The following HTR2C variants were observed in gnomAD, a reference collection of about 807,000 sequenced individuals.
HTR2C encodes the protein 5-hydroxytryptamine (serotonin) receptor 2C, G protein-coupled.
A neutral mutation model predicts 21.0 loss-of-function variants in HTR2C; 5 were observed. The observed-to-expected ratio is 0.24, with a 90% CI of 0.12 to 0.50. The LOEUF (loss-of-function observed/expected upper bound fraction) is 0.50. HTR2C is among the 20% of genes least tolerant of loss of function. The pLI is 0.98. For synonymous variants in HTR2C, 150 were observed against 145.3 expected, an observed-to-expected ratio of 1.03 and a Z score of -0.23; for missense variants, 271 against 371.2, an observed-to-expected ratio of 0.73 and a Z score of 2.22.
chrX:114,625,536 A>C (rs375220424), intron 2 of HTR2C, among the ~76,000 whole-genome samples: 91 of 107,701 alleles, frequency 8.4e-4, no homozygotes, highest in African/African-American at 3.0e-3. Context: ...TTCACCTTCC[A>C]CCATGAGTGG....
At position 114,584,416 on chromosome X, in the gene HTR2C, A is replaced by G. The variant is rs1927297552; in HGVS notation, c.-390A>G. 8.9e-6 allele frequency: 1 copy of G among 112,894 alleles called. No homozygotes were observed. Among genetic ancestry groups the G allele is most frequent in the African/African-American group, 3.2e-5 (1 of 31,016 alleles). 9.3% of individuals were successfully genotyped at this position (112,894 alleles called of 1,213,427 possible). A position where few individuals can be genotyped will look rare whatever the true frequency, so the allele number is the denominator to read the frequency against. On this transcript the variant is annotated 5_prime_UTR_variant, in exon 1 of 6. Transcript: ENST00000276198. ...AGCTAGAGTAAGATAGCGGAGCGAA[A>G]AGAGCCAAACCTAGCCGGGGGGCGC...
At chrX:114,793,886 TAAATA>T (rs1233174264) in intron 4 of HTR2C, among the ~76,000 whole-genome samples, 10 of 109,502 alleles carry the variant, frequency 9.1e-5, no homozygotes, top group African/African-American at 3.3e-4. Flanking sequence ...AGAGAGACAA[TAAATA>T]AAATAAAGGA....
chrX:114,622,002 C>T (rs1556401827), intron 2 of HTR2C, among the ~76,000 whole-genome samples: 1 of 111,730 alleles, frequency 9.0e-6, no homozygotes, highest in Non-Finnish European at 1.9e-5. Context: ...AAAAACTGCA[C>T]TTGAAAGGCC....
intron 2 of HTR2C, among the ~76,000 whole-genome samples, chrX:114,640,283 A>G (rs1461912962): frequency 6.3e-5 from 7 of 111,921 alleles, no homozygotes; most frequent in African/African-American, 2.3e-4. Flanking sequence ...ATCTCTACTT[A>G]AATGTATTTT....
chrX:114,643,305 A>G (rs187529907), intron 2 of HTR2C, among the ~76,000 whole-genome samples: 182 of 110,747 alleles, frequency 1.6e-3, no homozygotes, highest in African/African-American at 5.7e-3. Flanking sequence ...CATGAAATCT[A>G]GGTTATTGAT....
intron 1 of HTR2C, among the ~76,000 whole-genome samples, chrX:114,607,859 G>A (rs373526193): frequency 6.4e-4 from 71 of 110,411 alleles, no homozygotes; most frequent in African/African-American, 1.6e-3. Context: ...ATGGTGGTGC[G>A]TGCCTGTAAT....
chrX:114,769,149 C>G (rs1218230525), intron 4 of HTR2C, among the ~76,000 whole-genome samples: 1 of 111,427 alleles, frequency 9.0e-6, no homozygotes, highest in African/African-American at 3.2e-5. Flanking sequence ...ACCTTACTTT[C>G]TTACCTATTG....
intron 4 of HTR2C, among the ~76,000 whole-genome samples, chrX:114,733,592 T>C (rs1485883153): frequency 2.0e-5 from 2 of 97,736 alleles, no homozygotes; most frequent in Non-Finnish European, 4.0e-5. Context: ...AAGCAAGAGG[T>C]GACTTGAAAA....
At chrX:114,776,436 A>G in intron 4 of HTR2C, 1 of 711,750 alleles carries the variant, frequency 1.4e-6, no homozygotes, top group Non-Finnish European at 2.3e-6. Flanking sequence ...TCTGGATAGA[A>G]GATTTTGGTC....
chrX:114,905,680 T>G (rs925982078), intron 5 of HTR2C, among the ~76,000 whole-genome samples: 6 of 111,812 alleles, frequency 5.4e-5, no homozygotes, highest in African/African-American at 2.0e-4. Context: ...GACAGCAATC[T>G]CTATCTGTTA....
At chrX:114,707,532 A>G (rs1556418495) in intron 2 of HTR2C, among the ~76,000 whole-genome samples, 1 of 111,817 alleles carries the variant, frequency 8.9e-6, no homozygotes, top group African/African-American at 3.2e-5. Context: ...AAGCCTTCCT[A>G]CTTTTTTCTT....
chrX:114,845,858 T>A (rs1421117728), intron 4 of HTR2C, among the ~76,000 whole-genome samples: 1 of 108,516 alleles, frequency 9.2e-6, no homozygotes, highest in East Asian at 2.9e-4. Flanking sequence ...AAAAAAAATT[T>A]AAAAATTAGA....
chrX:114,649,830 G>A (rs1930490227), intron 2 of HTR2C, among the ~76,000 whole-genome samples: 1 of 110,846 alleles, frequency 9.0e-6, no homozygotes, highest in Middle Eastern at 4.6e-3. Context: ...GGCCAGGCTG[G>A]TAACGAACTC....
At chrX:114,693,439 A>G (rs183267173) in intron 2 of HTR2C, among the ~76,000 whole-genome samples, 96 of 112,037 alleles carry the variant, frequency 8.6e-4, no homozygotes, top group African/African-American at 2.7e-3. Context: ...ATAATTGGAT[A>G]TAGACACCTC....
rs1270442469 is a variant in HTR2C at position 114,884,349 on chromosome X, A to G, written c.551-22240A>G. Among the ~76,000 whole-genome samples, 9 of 110,928 alleles carry G rather than the reference A, an allele frequency of 8.1e-5. No homozygotes were observed. In the East Asian group the frequency reaches 2.3e-3, roughly 28 times the overall value. On this transcript the variant is annotated intron_variant, in intron 5 of 5. Transcript: ENST00000276198. ...TATTTTTAATTTTTTAAAAACCTCC[A>G]TACTGTTTCTCATAATGAACCTATG... is the stretch of plus-strand genomic sequence containing the variant.
At chrX:114,730,236 A>G (rs1354561811) in intron 3 of HTR2C, among the ~76,000 whole-genome samples, 1 of 112,041 alleles carries the variant, frequency 8.9e-6, no homozygotes, top group African/African-American at 3.2e-5. Context: ...ATATTAATTT[A>G]GAATGTGCAA....
intron 5 of HTR2C, among the ~76,000 whole-genome samples, chrX:114,867,545 TTG>T (rs2071055245): frequency 9.0e-6 from 1 of 111,460 alleles, no homozygotes; most frequent in South Asian, 3.7e-4. Context: ...CTTTGGTTGC[TTG>T]TGCTTGTTGG....
chrX:114,885,462 C>T (rs782560147), intron 5 of HTR2C, among the ~76,000 whole-genome samples: 169 of 111,166 alleles, frequency 1.5e-3, no homozygotes, highest in Non-Finnish European at 1.9e-3. Flanking sequence ...TTAAGCCACA[C>T]GCAACTGTAA....
chrX:114,783,306 G>C (rs1470059217), intron 4 of HTR2C, among the ~76,000 whole-genome samples: 2 of 111,740 alleles, frequency 1.8e-5, no homozygotes, highest in African/African-American at 6.5e-5. Flanking sequence ...CATATAATTA[G>C]TAACTGAAAG....
Sources: gnomAD v4.1 joint callset for allele counts (sites outside exome capture counted in the v4.1 genomes callset) on GRCh38, gnomAD v4.1.1 for gene constraint, MANE v1.5 for transcripts, NCBI Gene and HGNC (gene_info 2026-07-23, HGNC 2026-07-21) for gene names.